Variants in CACNB2 observed in about 807,000 individuals in gnomAD.
CACNB2 encodes the protein calcium voltage-gated channel auxiliary subunit beta 2, also known as voltage-dependent L-type calcium channel subunit beta-2.
In CACNB2, 42 loss-of-function variants were observed where a neutral mutation model predicts 73.3. That is an observed-to-expected ratio of 0.57 (90% CI 0.45 to 0.74). CACNB2 has a LOEUF of 0.74. Ranked by LOEUF, CACNB2 falls within the 30% of genes least tolerant of loss-of-function variation. The pLI is 0.00. For missense variants in CACNB2, 940 were observed against 853.0 expected (o/e 1.10, Z -1.27); for synonymous variants, 348 against 310.3 (o/e 1.12, Z -1.28).
intron 3 of CACNB2, among the ~76,000 whole-genome samples, chr10:18,465,415 A>G (rs2047824946): frequency 6.6e-6 from 1 of 152,222 alleles, no homozygotes; most frequent in Non-Finnish European, 1.5e-5. Context: ...ACTTGAAGCC[A>G]TGGAGGCAAA....
chr10:18,436,202 A>G lies in CACNB2; in HGVS notation c.333+34159A>G, dbSNP rs1196376061. ...ATTAATTGATTTAAAATTTATGGTC[A>G]TTAATGATGAGTTTGCCAGTAAGAG... On this transcript the variant is annotated intron_variant, in intron 3 of 13. Coordinates refer to ENST00000324631, the MANE Select transcript of CACNB2 (RefSeq NM_201596.3). 2.0e-5 allele frequency among the ~76,000 whole-genome samples: 3 copies of G among 152,254 alleles called. No homozygotes were observed. In the East Asian group the frequency reaches 5.8e-4, roughly 29 times the overall value.
In CACNB2 at chr10:18,289,281, C is replaced by CTTTTTTTTTT. The variant is rs1564407541; in HGVS notation, c.214-112641_214-112640insTTTTTTTTTT. On this transcript the variant is annotated intron_variant, in intron 2 of 13. Transcript: ENST00000324631. ...TACGAAGTTGTCTTCATTTTTTTTT[C>CTTTTTTTTTT]TTGTTTTTTTGTTTTGTTTTTTTTT... Among the ~76,000 whole-genome samples, 4 of 96,936 alleles carry CTTTTTTTTTT rather than the reference C, an allele frequency of 4.1e-5. 1 individual carries two copies. Among genetic ancestry groups the CTTTTTTTTTT allele is most frequent in the Admixed American group, 1.1e-4 (1 of 8,884 alleles). 63.6% of individuals were successfully genotyped at this position (96,936 alleles called of 152,430 possible).
At chr10:18,226,460 A>T (rs2035997103) in intron 2 of CACNB2, among the ~76,000 whole-genome samples, 2 of 152,226 alleles carry the variant, frequency 1.3e-5, no homozygotes, top group African/African-American at 4.8e-5. Flanking sequence ...TACCCTAGTG[A>T]TGTTTTAATG....
intron 3 of CACNB2, among the ~76,000 whole-genome samples, chr10:18,422,653 A>G (rs963271215): frequency 7.2e-5 from 11 of 152,062 alleles, no homozygotes; most frequent in Admixed American, 5.2e-4. Context: ...AACATGTACA[A>G]TTTGGCGTAC....
chr10:18,196,217 TGTGGCTTCAAA>T (rs2034615039), intron 2 of CACNB2, among the ~76,000 whole-genome samples: 1 of 152,166 alleles, frequency 6.6e-6, no homozygotes, highest in African/African-American at 2.4e-5. Context: ...GTACCCACTA[TGTGGCTTCAAA>T]GTTGACTTTA....
intron 2 of CACNB2, among the ~76,000 whole-genome samples, chr10:18,336,279 T>C (rs1354444471): frequency 1.3e-5 from 2 of 152,188 alleles, no homozygotes; most frequent in African/African-American, 4.8e-5. Context: ...TATGAATTGT[T>C]CAATTAGATA....
chr10:18,435,036 G>A (rs1171111297), intron 3 of CACNB2, among the ~76,000 whole-genome samples: 1 of 152,146 alleles, frequency 6.6e-6, no homozygotes, highest in Non-Finnish European at 1.5e-5. Flanking sequence ...TAATGGAACT[G>A]GAAAGTCTCT....
intron 2 of CACNB2, among the ~76,000 whole-genome samples, chr10:18,320,574 T>G (rs951778841): frequency 3.9e-5 from 6 of 152,182 alleles, no homozygotes; most frequent in African/African-American, 1.4e-4. Flanking sequence ...TGCGGGGACA[T>G]AATCCCAGCC....
rs775992058 is a variant in CACNB2 at position 18,348,494 on chromosome 10, CAGAT to C, written c.214-53425_214-53422del. Among the ~76,000 whole-genome samples, 632 of 151,916 alleles carry C rather than the reference CAGAT, an allele frequency of 4.2e-3. 3 individuals carry two copies. The highest frequency in any genetic ancestry group is 0.014 in the African/African-American group (596 of 41,292). Reference sequence around the variant, plus strand: ...ACAGATGGATGGACAGACAGACAGACAGATAGATGGATGGATAGGTGGATAGATA... The same window carrying C: ...ACAGATGGATGGACAGACAGACAGACAGATGGATGGATAGGTGGATAGATA... On this transcript the variant is annotated intron_variant, in intron 2 of 13. Coordinates refer to ENST00000324631, the MANE Select transcript of CACNB2 (RefSeq NM_201596.3).
chr10:18,220,208 T>TAC (rs2035702086), intron 2 of CACNB2, among the ~76,000 whole-genome samples: 1 of 31,270 alleles, frequency 3.2e-5, no homozygotes, highest in Non-Finnish European at 4.9e-5. Context: ...TGTGTATATA[T>TAC]ATATATATAT....
chr10:18,432,893 A>G (rs1174252864), intron 3 of CACNB2, among the ~76,000 whole-genome samples: 1 of 152,140 alleles, frequency 6.6e-6, no homozygotes, highest in African/African-American at 2.4e-5. Flanking sequence ...AAATTCATTG[A>G]TGTTGTATTT....
rs543947475 is a variant in CACNB2, at chr10:18,394,921, A to C, written c.214-7003A>C. On this transcript the variant is annotated intron_variant, in intron 2 of 13. Coordinates refer to ENST00000324631, the MANE Select transcript of CACNB2 (RefSeq NM_201596.3). ...GGAAGAAAATACAAGAACTCTGTTT[A>C]TATTCTCCGGAGACATCATGTTTCC... Among the ~76,000 whole-genome samples, 68 of 152,318 alleles carry C rather than the reference A, an allele frequency of 4.5e-4. 1 individual carries two copies. The highest frequency in any genetic ancestry group is 1.6e-3 in the African/African-American group (66 of 41,574).
intron 10 of CACNB2, among the ~76,000 whole-genome samples, chr10:18,532,676 C>CCA (rs2053154565): frequency 1.1e-5 from 1 of 92,580 alleles, no homozygotes; most frequent in Admixed American, 1.3e-4. Flanking sequence ...GACTCTGTCT[C>CCA]AAAAAAAAAA....
At chr10:18,368,746 C>G (rs2042455346) in intron 2 of CACNB2, among the ~76,000 whole-genome samples, 1 of 151,774 alleles carries the variant, frequency 6.6e-6, no homozygotes, top group Non-Finnish European at 1.5e-5. Context: ...AAATATACAC[C>G]TGTTATATAT....
chr10:18,488,165 A>C (rs558015399), intron 3 of CACNB2, among the ~76,000 whole-genome samples: 1 of 151,946 alleles, frequency 6.6e-6, no homozygotes, highest in Admixed American at 6.6e-5. Flanking sequence ...GAGAAACGGA[A>C]GATCTAAATA....
intron 2 of CACNB2, among the ~76,000 whole-genome samples, chr10:18,309,073 A>G (rs2039857812): frequency 6.6e-5 from 10 of 152,160 alleles, no homozygotes; most frequent in Admixed American, 6.5e-4. Flanking sequence ...CAATTTTTTC[A>G]CTAAAATGAA....
chr10:18,376,201 A>C (rs746091338), intron 2 of CACNB2, among the ~76,000 whole-genome samples: 3 of 152,214 alleles, frequency 2.0e-5, no homozygotes, highest in Non-Finnish European at 4.4e-5. Flanking sequence ...AATATGGATG[A>C]AACTTGAGGT....
chr10:18,413,080 C>T (rs892354784), intron 3 of CACNB2, among the ~76,000 whole-genome samples: 1 of 152,224 alleles, frequency 6.6e-6, no homozygotes, highest in Non-Finnish European at 1.5e-5. Flanking sequence ...AAGTCGTTCT[C>T]CTGCCTCAGC....
intron 2 of CACNB2, among the ~76,000 whole-genome samples, chr10:18,198,468 G>T (rs1055754364): frequency 6.6e-6 from 1 of 152,008 alleles, no homozygotes; most frequent in Non-Finnish European, 1.5e-5. Context: ...ACTTTTTTGG[G>T]CATGCCTTGT....
Sources: allele counts gnomAD v4.1 joint callset (sites outside exome capture counted in the v4.1 genomes callset), GRCh38; gene constraint gnomAD v4.1.1; transcripts MANE v1.5; gene names NCBI Gene and HGNC (gene_info 2026-07-23, HGNC 2026-07-21).